The following GSK3B variants were observed in gnomAD, a reference collection of about 807,000 sequenced individuals.
The protein encoded by GSK3B is glycogen synthase kinase 3 beta.
Under a neutral mutation model 56.4 loss-of-function variants are expected in GSK3B, and 15 were observed. The observed-to-expected ratio is 0.27, with a 90% confidence interval of 0.18 to 0.41. The LOEUF (loss-of-function observed/expected upper bound fraction) is 0.41. GSK3B is among the 10% of genes least tolerant of loss of function. The pLI, the probability that GSK3B is intolerant of heterozygous loss-of-function variation, is 1.00. For synonymous variants in GSK3B, 181 were observed against 188.9 expected, an observed-to-expected ratio of 0.96 and a Z score of 0.34; for missense variants, 300 against 513.4, an observed-to-expected ratio of 0.58 and a Z score of 4.02.
At chr3:119,954,601 T>C (rs1278892335) in intron 2 of GSK3B, among the ~76,000 whole-genome samples, 2 of 152,190 alleles carry the variant, frequency 1.3e-5, no homozygotes, top group Non-Finnish European at 2.9e-5. Context: ...AACTTATTTA[T>C]AAAACAAAAT....
At chr3:120,033,669 G>C (rs1180414817) in intron 1 of GSK3B, among the ~76,000 whole-genome samples, 1 of 152,136 alleles carries the variant, frequency 6.6e-6, no homozygotes, top group Non-Finnish European at 1.5e-5. Context: ...GGAGGGGCCT[G>C]GTGGGAGTTG....
intron 2 of GSK3B, among the ~76,000 whole-genome samples, chr3:119,967,085 CT>C (rs34345294): frequency 0.028 from 4,125 of 144,796 alleles, 172 homozygotes; most frequent in African/African-American, 0.092. Flanking sequence ...TTACAGCTAC[CT>C]TTTTTTTTTT....
chr3:119,950,308 A>C (rs1263157497), intron 2 of GSK3B, among the ~76,000 whole-genome samples: 1 of 152,216 alleles, frequency 6.6e-6, no homozygotes, highest in Non-Finnish European at 1.5e-5. Flanking sequence ...TACATAAGGA[A>C]GCCGGAGAAA....
intron 1 of GSK3B, among the ~76,000 whole-genome samples, chr3:120,003,933 A>G (rs2057701272): frequency 6.6e-6 from 1 of 152,240 alleles, no homozygotes; most frequent in African/African-American, 2.4e-5. Context: ...GAGCCGAAGC[A>G]GGGTGGGGCA....
chr3:120,021,396 A>T (rs1324522522), intron 1 of GSK3B, among the ~76,000 whole-genome samples: 1 of 151,778 alleles, frequency 6.6e-6, no homozygotes, highest in Admixed American at 6.6e-5. Context: ...GGCACCTGTA[A>T]TCCCAGCTAC....
At chr3:119,904,902 T>G (rs2056666769) in intron 7 of GSK3B, among the ~76,000 whole-genome samples, 1 of 151,698 alleles carries the variant, frequency 6.6e-6, no homozygotes. Flanking sequence ...GTTGTTGCTT[T>G]GTCCAAACTG....
intron 7 of GSK3B, among the ~76,000 whole-genome samples, chr3:119,903,633 G>A (rs955805328): frequency 3.3e-5 from 5 of 152,112 alleles, no homozygotes; most frequent in African/African-American, 1.2e-4. Flanking sequence ...AGATTTATAA[G>A]GTATTACGGC....
intron 1 of GSK3B, among the ~76,000 whole-genome samples, chr3:120,083,006 C>T (rs903155484): frequency 2.0e-5 from 3 of 151,506 alleles, no homozygotes; most frequent in South Asian, 2.1e-4. Context: ...TTGTACTTGC[C>T]TTATGTTTGC....
intron 1 of GSK3B, among the ~76,000 whole-genome samples, chr3:120,006,690 G>GAA (rs1343540285): frequency 6.6e-6 from 1 of 152,088 alleles, no homozygotes; most frequent in Non-Finnish European, 1.5e-5. Flanking sequence ...AATTAAGACA[G>GAA]AAAGAAATAA....
chr3:119,845,318 G>T (rs2108013665), intron 9 of GSK3B, among the ~76,000 whole-genome samples: 1 of 152,300 alleles, frequency 6.6e-6, no homozygotes, highest in East Asian at 1.9e-4. Context: ...TCTGGCCAGG[G>T]CAATCAGGCA....
At chr3:120,028,940 C>T (rs997192785) in intron 1 of GSK3B, 2 of 554,010 alleles carry the variant, frequency 3.6e-6, no homozygotes, top group Non-Finnish European at 6.7e-6. Flanking sequence ...GACACAGGCA[C>T]AAGTGGTGAA....
intron 2 of GSK3B, among the ~76,000 whole-genome samples, chr3:119,988,787 C>G (rs939067319): frequency 5.3e-5 from 8 of 152,210 alleles, no homozygotes; most frequent in Non-Finnish European, 1.0e-4. Flanking sequence ...AAAGTTCCAT[C>G]AAAGCCAATT....
chr3:120,090,864 T>G (rs1331621921), intron 1 of GSK3B, among the ~76,000 whole-genome samples: 1 of 152,196 alleles, frequency 6.6e-6, no homozygotes, highest in Non-Finnish European at 1.5e-5. Flanking sequence ...ATTTCTCAAA[T>G]TCCATCTGTT....
chr3:119,847,643 T>C (rs1021776663), intron 9 of GSK3B, among the ~76,000 whole-genome samples: 2 of 152,158 alleles, frequency 1.3e-5, no homozygotes, highest in Non-Finnish European at 2.9e-5. Flanking sequence ...TCTACTAAAA[T>C]TATGTCTGAG....
At chr3:119,933,119 G>T (rs1028504638) in intron 3 of GSK3B, among the ~76,000 whole-genome samples, 1 of 152,024 alleles carries the variant, frequency 6.6e-6, no homozygotes, top group Non-Finnish European at 1.5e-5. Context: ...ATGGAAATAC[G>T]CATTAACAGA....
chr3:120,088,595 C>CTTGAAATCG (rs1239224935), intron 1 of GSK3B, among the ~76,000 whole-genome samples: 1 of 152,172 alleles, frequency 6.6e-6, no homozygotes, highest in Non-Finnish European at 1.5e-5. Context: ...TGCTTTTATT[C>CTTGAAATCG]TTGAAATCGG....
intron 1 of GSK3B, among the ~76,000 whole-genome samples, chr3:120,073,544 A>G (rs1428542699): frequency 1.3e-5 from 2 of 152,218 alleles, no homozygotes; most frequent in African/African-American, 2.4e-5. Context: ...TTATTTTAAA[A>G]TAAAATAAAC....
intron 3 of GSK3B, among the ~76,000 whole-genome samples, chr3:119,941,014 ATT>A (rs201037934): frequency 0.1 from 14,406 of 138,618 alleles, 631 homozygotes; most frequent in African/African-American, 0.17. Flanking sequence ...ATTACTACTA[ATT>A]TTTTTTTTTT....
At chr3:120,008,605 G>C (rs2057750224) in intron 1 of GSK3B, among the ~76,000 whole-genome samples, 1 of 152,120 alleles carries the variant, frequency 6.6e-6, no homozygotes, top group Non-Finnish European at 1.5e-5. Context: ...ACAGGCAATG[G>C]GGAAAAGATT....
Sources: allele counts gnomAD v4.1 joint callset (sites outside exome capture counted in the v4.1 genomes callset), GRCh38; gene constraint gnomAD v4.1.1; transcripts MANE v1.5; gene names NCBI Gene and HGNC (gene_info 2026-07-23, HGNC 2026-07-21).